CSMD1: variants seen among roughly 807,000 people sequenced by gnomAD.
CSMD1 encodes CUB and Sushi multiple domains 1, also known as CUB and sushi domain-containing protein 1.
CSMD1 carries 213 observed loss-of-function variants against 417.5 expected under a neutral mutation model. That is an observed-to-expected ratio of 0.51 (90% CI 0.46 to 0.57). The LOEUF (loss-of-function observed/expected upper bound fraction) is 0.57. Among genes scored for constraint, CSMD1 ranks in the 20% least tolerant of loss-of-function variants. The pLI is 0.00. For synonymous variants in CSMD1, 2,862 were observed against 1,736.8 expected (o/e 1.65, Z -16.11); for missense variants, 6,923 against 4,529.7 (o/e 1.53, Z -15.17).
intron 8 of CSMD1, among the ~76,000 whole-genome samples, chr8:3,598,912 C>G (rs550342330): frequency 6.6e-6 from 1 of 152,032 alleles, no homozygotes; most frequent in Non-Finnish European, 1.5e-5. Context: ...GAAACCCCAT[C>G]TCTATGAAAA....
chr8:4,316,116 C>A lies in CSMD1; in HGVS notation c.415+103837G>T, dbSNP rs369421682. Among the ~76,000 whole-genome samples, 18 of 151,926 alleles carry A rather than the reference C, an allele frequency of 1.2e-4. No individual in the cohort carries two copies. In the East Asian group the frequency reaches 2.7e-3, roughly 23 times the overall value. On this transcript the variant is annotated intron_variant, in intron 3 of 69. Transcript: ENST00000635120. Reference sequence around the variant, plus strand: ...AAGCCAACCACTCATTATTGTTAACCCTCTTAACCATTCAAAAACCTTCAA... The same window carrying A: ...AAGCCAACCACTCATTATTGTTAACACTCTTAACCATTCAAAAACCTTCAA...
chr8:3,637,116 C>A (rs915799352), intron 7 of CSMD1, among the ~76,000 whole-genome samples: 2 of 152,192 alleles, frequency 1.3e-5, no homozygotes, highest in African/African-American at 4.8e-5. Flanking sequence ...AAATTTCCTT[C>A]CTTTATAAAT....
At chr8:3,274,978 T>C (rs999997154) in intron 26 of CSMD1, among the ~76,000 whole-genome samples, 2 of 152,194 alleles carry the variant, frequency 1.3e-5, no homozygotes, top group African/African-American at 4.8e-5. Context: ...ATTATGATGT[T>C]AGCTGGTTAT....
intron 5 of CSMD1, among the ~76,000 whole-genome samples, chr8:3,787,978 T>C (rs149810480): frequency 6.6e-6 from 1 of 152,192 alleles, no homozygotes; most frequent in East Asian, 1.9e-4. Flanking sequence ...TCTTGAATAA[T>C]TGGGAGCTGT....
At chr8:4,402,362 C>G (rs562061904) in intron 3 of CSMD1, among the ~76,000 whole-genome samples, 1 of 152,188 alleles carries the variant, frequency 6.6e-6, no homozygotes, top group Admixed American at 6.5e-5. Context: ...ACTGCACCCT[C>G]AATTCCCTTG....
At chr8:3,780,592 T>C (rs1382582805) in intron 5 of CSMD1, among the ~76,000 whole-genome samples, 4 of 152,190 alleles carry the variant, frequency 2.6e-5, no homozygotes, top group Non-Finnish European at 5.9e-5. Context: ...AAAGTGCATC[T>C]AATAATTCAC....
At chr8:3,918,272 G>T (rs982113926) in intron 5 of CSMD1, among the ~76,000 whole-genome samples, 4 of 151,990 alleles carry the variant, frequency 2.6e-5, no homozygotes, top group Non-Finnish European at 5.9e-5. Context: ...GTTTTTAGCA[G>T]CCTACAAACT....
At chr8:3,904,955 T>C (rs908667762) in intron 5 of CSMD1, among the ~76,000 whole-genome samples, 1 of 152,102 alleles carries the variant, frequency 6.6e-6, no homozygotes, top group Non-Finnish European at 1.5e-5. Context: ...CGTATTTTCC[T>C]TATCTGACAT....
chr8:4,614,979 G>C (rs1563336212), intron 2 of CSMD1, among the ~76,000 whole-genome samples: 1 of 152,074 alleles, frequency 6.6e-6, no homozygotes, highest in African/African-American at 2.4e-5. Flanking sequence ...CGTATTTGTA[G>C]TACAAAGTAA....
chr8:3,261,816 A>T (rs995850963), intron 26 of CSMD1, among the ~76,000 whole-genome samples: 1 of 152,144 alleles, frequency 6.6e-6, no homozygotes, highest in Non-Finnish European at 1.5e-5. Flanking sequence ...GGAAGTACAG[A>T]ATAGATGAAT....
intron 5 of CSMD1, among the ~76,000 whole-genome samples, chr8:3,866,342 T>C (rs1805102664): frequency 6.6e-6 from 1 of 152,264 alleles, no homozygotes; most frequent in Non-Finnish European, 1.5e-5. Context: ...TTGGCATTTC[T>C]GTCCTTTTAC....
chr8:3,931,048 T>G (rs1432695502), intron 5 of CSMD1, among the ~76,000 whole-genome samples: 1 of 150,568 alleles, frequency 6.6e-6, no homozygotes, highest in Non-Finnish European at 1.5e-5. Context: ...TTAACTGCGG[T>G]ATGATCGCTG....
intron 3 of CSMD1, among the ~76,000 whole-genome samples, chr8:4,362,841 C>T (rs1801849975): frequency 6.6e-6 from 1 of 152,002 alleles, no homozygotes; most frequent in Non-Finnish European, 1.5e-5. Flanking sequence ...AGTTGTTCCC[C>T]ATTGGTTATC....
intron 46 of CSMD1, among the ~76,000 whole-genome samples, chr8:3,097,535 G>A (rs555980182): frequency 7.9e-5 from 12 of 152,136 alleles, no homozygotes; most frequent in African/African-American, 1.9e-4. Context: ...ATCCTACGTC[G>A]TTTCTGGTGC....
In CSMD1 at chr8:3,855,530, G is replaced by A. The variant is rs1234181188; in HGVS notation, c.819-101488C>T. Among the ~76,000 whole-genome samples the A allele has an allele frequency of 2.6e-5, 4 of 152,138 alleles. No individual in the cohort carries two copies. The East Asian group carries it at 7.7e-4, about 29-fold the overall frequency. ...AAACTTGTTTTTTAATCGCCATGTTGCCACTGTAGGCATTAATGAGTTTAA... is the reference window on the plus strand; with the variant it reads ...AAACTTGTTTTTTAATCGCCATGTTACCACTGTAGGCATTAATGAGTTTAA... On this transcript the variant is annotated intron_variant, in intron 5 of 69. Transcript: ENST00000635120.
intron 4 of CSMD1, among the ~76,000 whole-genome samples, chr8:4,019,583 C>G (rs1462508984): frequency 6.6e-6 from 1 of 152,152 alleles, no homozygotes; most frequent in Non-Finnish European, 1.5e-5. Flanking sequence ...TTACGGTCTG[C>G]TCTTGCTGGC....
intron 1 of CSMD1, among the ~76,000 whole-genome samples, chr8:4,660,690 G>A (rs1039509824): frequency 9.0e-4 from 2 of 2,214 alleles, no homozygotes; most frequent in East Asian, 0.5. Context: ...GAAAAGACAA[G>A]CTACAGACCG....
intron 2 of CSMD1, among the ~76,000 whole-genome samples, chr8:4,627,366 G>A (rs567027352): frequency 1.3e-5 from 2 of 152,196 alleles, no homozygotes; most frequent in South Asian, 2.1e-4. Flanking sequence ...ACTATTTATA[G>A]CTCTTTATTG....
At chr8:3,326,561 C>T (rs571622527) in intron 23 of CSMD1, among the ~76,000 whole-genome samples, 113 of 152,344 alleles carry the variant, frequency 7.4e-4, no homozygotes, top group Non-Finnish European at 1.2e-3. Context: ...CATTTGTTTT[C>T]AAGCTTAAAA....
Sources: allele counts gnomAD v4.1 joint callset (sites outside exome capture counted in the v4.1 genomes callset), GRCh38; gene constraint gnomAD v4.1.1; transcripts MANE v1.5; gene names NCBI Gene and HGNC (gene_info 2026-07-23, HGNC 2026-07-21).